The following DENND1B variants were observed in gnomAD, a reference collection of about 807,000 sequenced individuals.
The protein encoded by DENND1B is DENN domain-containing protein 1B.
In DENND1B, 59 loss-of-function variants were observed where a neutral mutation model predicts 90.1. The observed-to-expected ratio is 0.65, with a 90% CI of 0.53 to 0.81. DENND1B has a LOEUF of 0.81. DENND1B is among the 40% of genes least tolerant of loss of function. The pLI, the probability that DENND1B is intolerant of heterozygous loss-of-function variation, is 0.00. For synonymous variants in DENND1B, 337 were observed against 324.6 expected (o/e 1.04, Z -0.41); for missense variants, 862 against 912.6 (o/e 0.94, Z 0.71).
chr1:197,677,921 T>C (rs571767911), intron 3 of DENND1B, among the ~76,000 whole-genome samples: 1 of 152,170 alleles, frequency 6.6e-6, no homozygotes, highest in Non-Finnish European at 1.5e-5. Context: ...CTACTCATGA[T>C]CACAAAATGA....
At chr1:197,573,691 G>A (rs1241625629) in intron 15 of DENND1B, among the ~76,000 whole-genome samples, 2 of 152,052 alleles carry the variant, frequency 1.3e-5, no homozygotes, top group East Asian at 1.9e-4. Flanking sequence ...ACATTGATGC[G>A]AAAATCCTCA....
intron 21 of DENND1B, among the ~76,000 whole-genome samples, chr1:197,512,292 T>C (rs1668083190): frequency 6.6e-6 from 1 of 151,668 alleles, no homozygotes; most frequent in East Asian, 1.9e-4. Flanking sequence ...TTTAATATGG[T>C]TTTCCTTTAT....
intron 2 of DENND1B, among the ~76,000 whole-genome samples, chr1:197,727,451 C>T (rs1040047618): frequency 4.6e-5 from 7 of 151,326 alleles, no homozygotes; most frequent in Admixed American, 6.6e-5. Context: ...AGGAAAATGG[C>T]GTGAACCCGG....
chr1:197,769,978 CT>C lies in DENND1B; in HGVS notation c.82+2889del, dbSNP rs1558502230. Among the ~76,000 whole-genome samples the C allele has an allele frequency of 3.3e-5, 5 of 152,054 alleles. No homozygotes were observed. The East Asian group carries it at 7.7e-4, about 23-fold the overall frequency. ...CAAAAAAATTTACTTTTATAGCCCTCTTATAGTTATTGATTTTATTATTTAT... is the reference window on the plus strand; with the variant it reads ...CAAAAAAATTTACTTTTATAGCCCTCTATAGTTATTGATTTTATTATTTAT... On this transcript the variant is annotated intron_variant, in intron 2 of 22. Transcript: ENST00000620048.
intron 2 of DENND1B, among the ~76,000 whole-genome samples, chr1:197,715,496 A>G (rs1660556123): frequency 6.6e-6 from 1 of 151,868 alleles, no homozygotes; most frequent in African/African-American, 2.4e-5. Flanking sequence ...GCTCTCAGAG[A>G]CTAGACCAAA....
At chr1:197,606,212 G>C (rs1676666618) in intron 13 of DENND1B, 1 of 150,978 alleles carries the variant, frequency 6.6e-6, no homozygotes, top group Admixed American at 6.6e-5. Flanking sequence ...CACTTTTGGA[G>C]ACTATTTAAC....
chr1:197,707,496 A>C (rs1033055974), intron 3 of DENND1B, among the ~76,000 whole-genome samples: 1 of 151,236 alleles, frequency 6.6e-6, no homozygotes, highest in Admixed American at 6.6e-5. Context: ...TGATCATTAC[A>C]TATTGTATAC....
At chr1:197,539,863 A>G (rs1252406850) in intron 20 of DENND1B, 101 bp downstream of exon 20, 2 of 983,716 alleles carry the variant, frequency 2.0e-6, no homozygotes, top group Non-Finnish European at 3.1e-6. Flanking sequence ...AGGTTTTCAT[A>G]TAAGATAAAA....
chr1:197,599,356 A>T (rs889203603), intron 13 of DENND1B, among the ~76,000 whole-genome samples: 1 of 151,808 alleles, frequency 6.6e-6, no homozygotes, highest in African/African-American at 2.4e-5. Context: ...AGAAATTTTT[A>T]TTTTACTTTT....
Position 197,509,943 on chromosome 1 carries a change from A to G in DENND1B, c.*517T>C, listed in dbSNP as rs1667911164. 6.6e-6 allele frequency: 1 copy of G among 152,032 alleles called. No homozygotes were observed. Among genetic ancestry groups the G allele is most frequent in the Admixed American group, 6.6e-5 (1 of 15,212 alleles). The allele number at this position is 152,032 out of a possible 1,614,324, so 9.4% of individuals were successfully genotyped here. A position where few individuals can be genotyped will look rare whatever the true frequency, so the allele number is the denominator to read the frequency against. On this transcript the variant is annotated 3_prime_UTR_variant, in exon 23 of 23. Transcript: ENST00000620048. The stretch of plus-strand genomic sequence containing the variant: ...GATTTGATGAATAGAAAAAGGCATT[A>G]TTGCTCTGCAGAACACTAATAACTT...
chr1:197,717,313 T>C (rs182726915), intron 2 of DENND1B, among the ~76,000 whole-genome samples: 3 of 152,092 alleles, frequency 2.0e-5, no homozygotes, highest in Admixed American at 1.3e-4. Flanking sequence ...GATCTGGCAA[T>C]GTTAGGTCAA....
intron 5 of DENND1B, among the ~76,000 whole-genome samples, chr1:197,665,098 TAGAA>T (rs1156539912): frequency 6.6e-6 from 1 of 152,118 alleles, no homozygotes; most frequent in Admixed American, 6.6e-5. Context: ...AGACATGTCA[TAGAA>T]AGAACAAAAG....
At chr1:197,585,297 A>G (rs550030500) in intron 14 of DENND1B, among the ~76,000 whole-genome samples, 1 of 152,340 alleles carries the variant, frequency 6.6e-6, no homozygotes, top group South Asian at 2.1e-4. Context: ...ATACAATTTT[A>G]AAAATAAATA....
chr1:197,523,197 G>T (rs1668897742), intron 20 of DENND1B, among the ~76,000 whole-genome samples: 1 of 152,048 alleles, frequency 6.6e-6, no homozygotes, highest in African/African-American at 2.4e-5. Flanking sequence ...GCCTTAAACT[G>T]CTGACAAACT....
intron 2 of DENND1B, among the ~76,000 whole-genome samples, chr1:197,760,275 C>T (rs1333649087): frequency 6.6e-6 from 1 of 152,036 alleles, no homozygotes; most frequent in African/African-American, 2.4e-5. Context: ...GATATGAATG[C>T]CATCTCCTCT....
intron 16 of DENND1B, among the ~76,000 whole-genome samples, chr1:197,548,201 C>T (rs538588700): frequency 8.5e-5 from 13 of 152,158 alleles, no homozygotes; most frequent in Non-Finnish European, 1.8e-4. Context: ...TAATTTTCAG[C>T]TCTGTACAAG....
intron 15 of DENND1B, among the ~76,000 whole-genome samples, chr1:197,557,544 ATG>A (rs986266206): frequency 2.6e-5 from 4 of 151,950 alleles, no homozygotes; most frequent in Non-Finnish European, 5.9e-5. Context: ...GTAAAATGAC[ATG>A]TGTTATCACT....
At chr1:197,525,624 C>A (rs985429487) in intron 20 of DENND1B, among the ~76,000 whole-genome samples, 3 of 151,900 alleles carry the variant, frequency 2.0e-5, no homozygotes, top group Non-Finnish European at 4.4e-5. Flanking sequence ...TTTTCAATCA[C>A]CTTAGTAAAT....
chr1:197,736,491 C>A (rs1662704624), intron 2 of DENND1B, among the ~76,000 whole-genome samples: 1 of 151,928 alleles, frequency 6.6e-6, no homozygotes, highest in Non-Finnish European at 1.5e-5. Context: ...GCCACCACAC[C>A]CAGCTAATTA....
Sources: gnomAD v4.1 joint callset for allele counts (sites outside exome capture counted in the v4.1 genomes callset) on GRCh38, gnomAD v4.1.1 for gene constraint, MANE v1.5 for transcripts, NCBI Gene and HGNC (gene_info 2026-07-23, HGNC 2026-07-21) for gene names.